The following ADCY9 variants were observed in gnomAD, a reference collection of about 807,000 sequenced individuals.
ADCY9 encodes adenylate cyclase 9.
In ADCY9, 50 loss-of-function variants were observed where a neutral mutation model predicts 101.5. The ratio of observed to expected loss-of-function variants is 0.49; its 90% CI spans 0.39 to 0.62. ADCY9 has a LOEUF of 0.62. Among genes scored for constraint, ADCY9 ranks in the 20% least tolerant of loss-of-function variants. The pLI, the probability that ADCY9 is intolerant of heterozygous loss-of-function variation, is 0.00. For synonymous variants in ADCY9, 905 were observed against 769.3 expected (o/e 1.18, Z -2.92); for missense variants, 1,662 against 1,800.4 (o/e 0.92, Z 1.39).
chr16:3,971,719 A>T (rs1436667449), intron 10 of ADCY9, among the ~76,000 whole-genome samples: 1 of 152,040 alleles, frequency 6.6e-6, no homozygotes, highest in Admixed American at 6.6e-5. Flanking sequence ...TTGGTTTCTC[A>T]AAGTGGTGAC....
At chr16:4,107,868 C>T (rs11646996) in intron 2 of ADCY9, among the ~76,000 whole-genome samples, 41,897 of 151,998 alleles carry the variant, frequency 0.28, 6,424 homozygotes, top group South Asian at 0.42. Flanking sequence ...GTCGGTCTGT[C>T]GGCCCACCAG....
intron 2 of ADCY9, among the ~76,000 whole-genome samples, chr16:4,033,432 ATT>A (rs71133683): frequency 0.68 from 85,140 of 125,774 alleles, 32,510 homozygotes; most frequent in East Asian, 0.93. Flanking sequence ...CCTTGAAGTA[ATT>A]TTTTTTTTTT....
At chr16:3,959,820 G>T (rs2055928350), downstream of ADCY9, among the ~76,000 whole-genome samples, 1 of 152,108 alleles carries the variant, frequency 6.6e-6, no homozygotes, top group Admixed American at 6.6e-5. Context: ...GAAGTCAGGA[G>T]TTCGAGACCA....
chr16:4,043,841 A>G (rs1281643900), intron 2 of ADCY9, among the ~76,000 whole-genome samples: 1 of 152,214 alleles, frequency 6.6e-6, no homozygotes, highest in African/African-American at 2.4e-5. Flanking sequence ...AAATTTAACA[A>G]AAAAGAGAAG....
chr16:4,113,899 T>C lies in ADCY9; in HGVS notation c.1544A>G (p.Asn515Ser). The change falls in exon 2 of 11, where the codon AAC (asparagine) becomes AGC (serine). Residue 515 changes from asparagine to serine, a missense_variant. Transcript: ENST00000294016. ...CAGCTGCTCCATGAGATTGGCCAGG[T>C]TCACATCGTTGGACCACACGTCAAA... Reference protein sequence around the residue: ...FKFDVWSNDVNLANLMEQLGV... With the variant: ...FKFDVWSNDVSLANLMEQLGV... 6.2e-7 allele frequency: 1 copy of C among 1,614,104 alleles called. No homozygotes were observed. Among genetic ancestry groups the C allele is most frequent in the Non-Finnish European group, 8.5e-7 (1 of 1,180,020 alleles).
rs139635443 is a variant in ADCY9, at chr16:4,086,077, G to A, written c.1693+27673C>T. 6.3e-3 allele frequency among the ~76,000 whole-genome samples: 951 copies of A among 152,146 alleles called. 13 individuals are homozygous for A. The highest frequency in any genetic ancestry group is 0.022 in the African/African-American group (904 of 41,544). On this transcript the variant is annotated intron_variant, in intron 2 of 10. Coordinates refer to ENST00000294016, the MANE Select transcript of ADCY9 (RefSeq NM_001116.4). ...CGTACTCACAGGTAGGCAGACGGCC[G>A]CGCGGAGAGCACCAAGGGGCAGAAG...
chr16:4,115,415 G>C lies in ADCY9; in HGVS notation c.28C>G (p.Leu10Val). 6.4e-7 allele frequency: 1 copy of C among 1,571,500 alleles called. No individual in the cohort carries two copies. Among genetic ancestry groups the C allele is most frequent in the Non-Finnish European group, 8.6e-7 (1 of 1,158,882 alleles). Reference protein sequence around the residue: MASPPHQQLLHHHSTEVSCD... With the variant: MASPPHQQLVHHHSTEVSCD... Reference sequence around the variant, plus strand: ...CTCACCTCGGTGCTGTGGTGATGCAGCAGCTGCTGGTGGGGTGGGGAAGCC... The same window carrying C: ...CTCACCTCGGTGCTGTGGTGATGCACCAGCTGCTGGTGGGGTGGGGAAGCC... The change falls in exon 2 of 11, where the codon CTG becomes GTG. Residue 10 changes from leucine to valine, a missense_variant. By Grantham distance (32) the Leu-to-Val change is conservative. This residue lies in a region of ADCY9 where 422 missense variants were observed against 392.0 expected (regional missense o/e 1.08). Transcript: ENST00000294016. The surrounding 1 kb of genome is among the most constrained non-coding windows in gnomAD (Gnocchi z 6.2).
intron 10 of ADCY9, among the ~76,000 whole-genome samples, chr16:3,967,838 T>C (rs548397665): frequency 6.6e-6 from 1 of 151,684 alleles, no homozygotes; most frequent in African/African-American, 2.4e-5. Context: ...GCTGGGACTA[T>C]AGGTGTGTGC....
intron 10 of ADCY9, among the ~76,000 whole-genome samples, chr16:3,973,726 C>G (rs558365806): frequency 2.6e-5 from 4 of 152,196 alleles, no homozygotes; most frequent in African/African-American, 9.6e-5. Flanking sequence ...CTCCAGGCCT[C>G]AAGTAATCTT....
rs139504822 is a variant in ADCY9 at position 3,965,811 on chromosome 16, G to C, written c.4026C>G (p.Asn1342Lys). Residue 1342 changes from asparagine (N) to lysine (K), a missense_variant, in exon 11 of 11, where the codon AAC becomes AAG. By Grantham distance (94) the Asn-to-Lys change is moderately conservative (BLOSUM62 0). Transcript: ENST00000294016. ...TTGAAACGTTGAGCTTGGTGAGTTC[G>C]TTGGCTTCTTCTATTCCTGTTTCGT... is the stretch of plus-strand genomic sequence containing the variant. ...DCDETGIEEA[N>K]ELTKLNVSKS... The C allele has an allele frequency of 5.0e-6, 8 of 1,613,746 alleles. No homozygotes were observed. The highest frequency in any genetic ancestry group is 1.7e-5 in the Admixed American group (1 of 59,904).
At chr16:4,037,569 A>G (rs747141188) in intron 2 of ADCY9, among the ~76,000 whole-genome samples, 12 of 152,190 alleles carry the variant, frequency 7.9e-5, no homozygotes, top group Admixed American at 1.3e-4. Context: ...TCCTCTGGGT[A>G]GATATCTAGT....
intron 2 of ADCY9, among the ~76,000 whole-genome samples, chr16:4,045,956 C>T (rs1567452363): frequency 6.9e-6 from 1 of 144,030 alleles, no homozygotes; most frequent in Non-Finnish European, 1.5e-5. Flanking sequence ...GCGATCCTCC[C>T]ATTTCAGCCT....
At chr16:4,032,324 A>G (rs1200823813) in intron 2 of ADCY9, among the ~76,000 whole-genome samples, 1 of 151,766 alleles carries the variant, frequency 6.6e-6, no homozygotes. Flanking sequence ...AAGAAAACCA[A>G]GAAGAGCAGA....
intron 5 of ADCY9, among the ~76,000 whole-genome samples, chr16:3,954,029 G>C (rs1239469461): frequency 6.6e-6 from 1 of 152,212 alleles, no homozygotes; most frequent in East Asian, 1.9e-4. Context: ...GCGTGAAACT[G>C]ACTCAGGATT....
At chr16:3,969,569 A>AATATAAAT (rs1555505621) in intron 10 of ADCY9, among the ~76,000 whole-genome samples, 1 of 45,228 alleles carries the variant, frequency 2.2e-5, no homozygotes, top group Non-Finnish European at 4.4e-5. Context: ...GTTTGTTTGA[A>AATATAAAT]ATATATATAT....
intron 2 of ADCY9, among the ~76,000 whole-genome samples, chr16:4,008,291 C>T (rs997073945): frequency 6.6e-6 from 1 of 152,024 alleles, no homozygotes; most frequent in African/African-American, 2.4e-5. Context: ...CGGACCCACA[C>T]TGCGCTGGAA....
chr16:4,080,609 T>C (rs545443007), intron 2 of ADCY9, among the ~76,000 whole-genome samples: 4 of 152,116 alleles, frequency 2.6e-5, no homozygotes, highest in Admixed American at 1.3e-4. Context: ...TGTTTTGACC[T>C]TTCCATTAAT....
chr16:4,024,203 A>G (rs1413627222), intron 2 of ADCY9, among the ~76,000 whole-genome samples: 1 of 151,716 alleles, frequency 6.6e-6, no homozygotes, highest in Non-Finnish European at 1.5e-5. Context: ...TTGTATTTTT[A>G]GTAGAGACGG....
At chr16:4,050,252 G>C (rs1435072687) in intron 2 of ADCY9, among the ~76,000 whole-genome samples, 1 of 152,166 alleles carries the variant, frequency 6.6e-6, no homozygotes, top group Non-Finnish European at 1.5e-5. Flanking sequence ...AGGGGAGAAA[G>C]CTGAAACAAA....
Sources: gnomAD v4.1 joint callset for allele counts (sites outside exome capture counted in the v4.1 genomes callset) on GRCh38, gnomAD v4.1.1 for gene constraint, gnomAD v4.1.1 regional missense constraint, Gnocchi (gnomAD v3.1) non-coding constraint, MANE v1.5 for transcripts, NCBI Gene and HGNC (gene_info 2026-07-23, HGNC 2026-07-21) for gene names.